DNAH8: variants seen among roughly 807,000 people sequenced by gnomAD.
The protein encoded by DNAH8 is dynein axonemal heavy chain 8.
In DNAH8, 382 loss-of-function variants were observed where a neutral mutation model predicts 562.1. That is an observed-to-expected ratio of 0.68 (90% confidence interval 0.63 to 0.74). The LOEUF is 0.74. Ranked by LOEUF, DNAH8 falls within the 30% of genes least tolerant of loss-of-function variation. The probability of loss-of-function intolerance (pLI) is 0.00; values close to 1 mark genes in which losing one functional copy is unlikely to be tolerated. For missense variants in DNAH8, 5,203 were observed against 5,620.4 expected (o/e 0.93, Z 2.37); for synonymous variants, 1,881 against 1,919.4 (o/e 0.98, Z 0.52).
At chr6:38,883,770 T>C (rs1173080829) in intron 55 of DNAH8, 106 bp from the exon 56 acceptor site, 6 of 932,716 alleles carry the variant, frequency 6.4e-6, no homozygotes, top group Non-Finnish European at 8.9e-6. Flanking sequence ...TGTATACTTA[T>C]TAAATGCGTA....
intron 75 of DNAH8, 86 bp downstream of exon 75, chr6:38,929,752 A>G (rs1583384962): frequency 7.9e-7 from 1 of 1,272,438 alleles, no homozygotes; most frequent in Non-Finnish European, 1.0e-6. Flanking sequence ...GAAAGAAAGA[A>G]AAGAACAATG....
chr6:38,769,604 A>G (rs58192035), intron 11 of DNAH8, among the ~76,000 whole-genome samples: 5,786 of 152,252 alleles, frequency 0.038, 383 homozygotes, highest in African/African-American at 0.13. Context: ...ACGGCCCCCA[A>G]AGATGTCTGT....
chr6:38,928,965 A>C lies in DNAH8; in HGVS notation c.11119-546A>C, dbSNP rs113824081. Among the ~76,000 whole-genome samples the C allele has an allele frequency of 2.0e-5, 3 of 152,330 alleles. 1 individual carries two copies. Among genetic ancestry groups the C allele is most frequent in the African/African-American group, 7.2e-5 (3 of 41,574 alleles). ...TTTAAAAAAATGTAAGCATATATAAAGTGAATGTCTAGTCTTTTAGGTTGA... is the reference window on the plus strand; with the variant it reads ...TTTAAAAAAATGTAAGCATATATAACGTGAATGTCTAGTCTTTTAGGTTGA... On this transcript the variant is annotated intron_variant, in intron 74 of 92. Transcript: ENST00000327475.
At chr6:39,015,291 CAA>C (rs1311188097) in intron 91 of DNAH8, among the ~76,000 whole-genome samples, 2 of 152,018 alleles carry the variant, frequency 1.3e-5, no homozygotes, top group Non-Finnish European at 2.9e-5. Context: ...CTTTAAAAAG[CAA>C]AGTGTTAATA....
chr6:39,024,559 G>A (rs916025246), intron 91 of DNAH8, among the ~76,000 whole-genome samples: 4 of 152,162 alleles, frequency 2.6e-5, no homozygotes, highest in Non-Finnish European at 5.9e-5. Flanking sequence ...TGGCACAGTG[G>A]CTCGCATCTG....
At chr6:38,716,163 G>A (rs1005876337) in intron 1 of DNAH8, among the ~76,000 whole-genome samples, 2 of 150,110 alleles carry the variant, frequency 1.3e-5, no homozygotes, top group Non-Finnish European at 3.0e-5. Context: ...GGGTTTCACA[G>A]TGTTAGCCAA....
At chr6:38,721,085 A>G (rs999342413) in intron 1 of DNAH8, among the ~76,000 whole-genome samples, 13 of 152,116 alleles carry the variant, frequency 8.5e-5, no homozygotes, top group African/African-American at 2.9e-4. Context: ...ACCTCAAACG[A>G]CCAGATTTAA....
rs58784448 is a variant in DNAH8 at position 38,772,971 on chromosome 6, C to CTTTTTTTTTTTTTTTTTTTTTTTTT, written c.1764+2415_1764+2439dup. On this transcript the variant is annotated intron_variant, in intron 12 of 92. Coordinates refer to ENST00000327475, the MANE Select transcript of DNAH8 (RefSeq NM_001206927.2). Reference sequence around the variant, plus strand: ...ATACCACCATGCCTAGCTAATTAAACTTTTTTTTTTTTTTTTTTTTTTTTT... The same window carrying CTTTTTTTTTTTTTTTTTTTTTTTTT: ...ATACCACCATGCCTAGCTAATTAAACTTTTTTTTTTTTTTTTTTTTTTTTTTTTTTTTTTTTTTTTTTTTTTTTTT... Among the ~76,000 whole-genome samples, 12 of 88,086 alleles carry CTTTTTTTTTTTTTTTTTTTTTTTTT rather than the reference C, an allele frequency of 1.4e-4. 2 individuals are homozygous for CTTTTTTTTTTTTTTTTTTTTTTTTT. The highest frequency in any genetic ancestry group is 7.2e-3 in the Middle Eastern group (1 of 138). 57.8% of individuals were successfully genotyped at this position (88,086 alleles called of 152,430 possible).
At chr6:38,842,269 A>G (rs1774865973) in intron 33 of DNAH8, 99 bp from the exon 34 acceptor site, 1 of 932,886 alleles carries the variant, frequency 1.1e-6, no homozygotes, top group African/African-American at 1.7e-5. Context: ...TTGTACACGC[A>G]ATGTATGAAA....
intron 83 of DNAH8, 134 bp from the exon 84 acceptor site, chr6:38,973,527 T>C (rs1168684781): frequency 9.8e-6 from 6 of 615,250 alleles, no homozygotes; most frequent in East Asian, 3.1e-5. Context: ...AATGATTGTA[T>C]TGACATATAA....
At chr6:38,751,005 T>G (rs891750511) in intron 9 of DNAH8, among the ~76,000 whole-genome samples, 1 of 152,214 alleles carries the variant, frequency 6.6e-6, no homozygotes, top group African/African-American at 2.4e-5. Context: ...TACTTATACT[T>G]TGCTGCATAA....
chr6:38,925,669 G>A (rs1782061370), intron 73 of DNAH8, among the ~76,000 whole-genome samples: 1 of 152,126 alleles, frequency 6.6e-6, no homozygotes, highest in Non-Finnish European at 1.5e-5. Context: ...GGGCCGGAAG[G>A]GGAAGCTATC....
At chr6:38,881,647 G>A (rs1180717872) in intron 53 of DNAH8, among the ~76,000 whole-genome samples, 1 of 151,610 alleles carries the variant, frequency 6.6e-6, no homozygotes, top group Non-Finnish European at 1.5e-5. Context: ...CGCCTCCCGG[G>A]TTCAAGTGAT....
intron 1 of DNAH8, among the ~76,000 whole-genome samples, chr6:38,718,166 G>C (rs1477709118): frequency 6.6e-6 from 1 of 152,140 alleles, no homozygotes; most frequent in Non-Finnish European, 1.5e-5. Flanking sequence ...TTGTTTCCAA[G>C]GTGTGGGTAT....
intron 17 of DNAH8, among the ~76,000 whole-genome samples, chr6:38,785,529 T>A (rs1403154573): frequency 6.6e-6 from 1 of 152,192 alleles, no homozygotes; most frequent in Admixed American, 6.5e-5. Context: ...TTATTTATTT[T>A]TATTTTACTT....
At chr6:38,983,894 G>A (rs1764193641) in intron 86 of DNAH8, among the ~76,000 whole-genome samples, 1 of 152,044 alleles carries the variant, frequency 6.6e-6, no homozygotes, top group African/African-American at 2.4e-5. Flanking sequence ...TAACAGCTTG[G>A]CATTACTACA....
At chr6:38,731,832 A>G (rs1168584336) in intron 4 of DNAH8, among the ~76,000 whole-genome samples, 4 of 152,190 alleles carry the variant, frequency 2.6e-5, no homozygotes, top group African/African-American at 9.7e-5. Context: ...TTCCTGCTTC[A>G]GCCTCCTGAG....
chr6:38,860,249 C>T (rs760542935), intron 42 of DNAH8, among the ~76,000 whole-genome samples: 3 of 152,048 alleles, frequency 2.0e-5, no homozygotes, highest in Non-Finnish European at 4.4e-5. Context: ...CACTGTTTGC[C>T]TTTTGCCCTT....
intron 87 of DNAH8, among the ~76,000 whole-genome samples, chr6:38,987,804 TTC>T (rs1324424503): frequency 6.6e-6 from 1 of 152,198 alleles, no homozygotes; most frequent in Non-Finnish European, 1.5e-5. Context: ...CCTCATTCAT[TTC>T]TCTGTCTAGC....
Sources: gnomAD v4.1 joint callset for allele counts (sites outside exome capture counted in the v4.1 genomes callset) on GRCh38, gnomAD v4.1.1 for gene constraint, MANE v1.5 for transcripts, NCBI Gene and HGNC (gene_info 2026-07-23, HGNC 2026-07-21) for gene names.